Variants in CEP112 observed in about 807,000 individuals in gnomAD.
The protein encoded by CEP112 is centrosomal protein of 112 kDa.
A neutral mutation model predicts 153.0 loss-of-function variants in CEP112; 127 were observed. That is an observed-to-expected ratio of 0.83 (90% CI 0.72 to 0.96). CEP112 has a LOEUF of 0.96. Ranked by LOEUF, CEP112 falls within the 40% of genes least tolerant of loss-of-function variation. The pLI, the probability that CEP112 is intolerant of heterozygous loss-of-function variation, is 0.00. For synonymous variants in CEP112, 358 were observed against 374.4 expected (o/e 0.96, Z 0.51); for missense variants, 1,089 against 1,101.2 (o/e 0.99, Z 0.16).
Position 66,175,094 on chromosome 17 carries a change from G to A in CEP112, c.420C>T (p.Leu140=). The part of the protein sequence containing the change: ...SEHKLNESWK[L]SSGEDNTLVQ... ...CTAAAGTGTTATCTTCTCCAGAAGA[G>A]AGTTTCCATGATTCATTTAATTTGT... Residue 140 remains leucine, a synonymous_variant, in exon 4 of 27, where the codon CTC becomes CTT. Transcript: ENST00000535342. The A allele has an allele frequency of 6.2e-7, 1 of 1,613,012 alleles. No individual in the cohort carries two copies. The highest frequency in any genetic ancestry group is 8.5e-7 in the Non-Finnish European group (1 of 1,179,514).
intron 20 of CEP112, among the ~76,000 whole-genome samples, chr17:65,897,907 C>T (rs532681770): frequency 1.3e-5 from 2 of 151,800 alleles, no homozygotes; most frequent in South Asian, 4.2e-4. Flanking sequence ...GAACTGAGAA[C>T]TAGAAAAAAA....
At chr17:66,036,041 A>C (rs898481414) in intron 12 of CEP112, among the ~76,000 whole-genome samples, 1 of 152,222 alleles carries the variant, frequency 6.6e-6, no homozygotes, top group African/African-American at 2.4e-5. Flanking sequence ...GCCATTAAAA[A>C]GGGAAAGCCT....
chr17:65,712,818 T>C (rs1235409283), intron 23 of CEP112, among the ~76,000 whole-genome samples: 1 of 152,078 alleles, frequency 6.6e-6, no homozygotes, highest in African/African-American at 2.4e-5. Flanking sequence ...AGGTGGGTGC[T>C]GTGGGCGATA....
intron 21 of CEP112, among the ~76,000 whole-genome samples, chr17:65,775,106 T>C (rs914807818): frequency 3.9e-5 from 6 of 152,010 alleles, no homozygotes; most frequent in African/African-American, 1.2e-4. Context: ...CCTCCCAAGC[T>C]TGAAAATCAG....
chr17:65,942,909 C>T (rs1416694814), intron 18 of CEP112, among the ~76,000 whole-genome samples: 1 of 152,038 alleles, frequency 6.6e-6, no homozygotes, highest in Non-Finnish European at 1.5e-5. Flanking sequence ...TCATATTATA[C>T]AATTATGCAA....
intron 1 of CEP112, among the ~76,000 whole-genome samples, chr17:66,188,275 CCACACACACAAA>C (rs370406542): frequency 0.22 from 26,503 of 120,410 alleles, 2,561 homozygotes; most frequent in Middle Eastern, 0.31. Context: ...GTCTCTCACA[CCACACACACAAA>C]CACACACACA....
chr17:66,008,552 GC>G (rs1241055276), intron 16 of CEP112, among the ~76,000 whole-genome samples: 1 of 151,944 alleles, frequency 6.6e-6, no homozygotes, highest in Non-Finnish European at 1.5e-5. Flanking sequence ...TCACTATGTT[GC>G]CCAGTCTGGT....
chr17:66,036,714 A>T (rs954387408), intron 12 of CEP112, among the ~76,000 whole-genome samples: 2 of 152,230 alleles, frequency 1.3e-5, no homozygotes, highest in Non-Finnish European at 2.9e-5. Flanking sequence ...ATTTGATCCA[A>T]GATCTCCTTG....
chr17:66,021,765 T>C (rs1366370168), intron 16 of CEP112, among the ~76,000 whole-genome samples: 4 of 152,128 alleles, frequency 2.6e-5, no homozygotes, highest in African/African-American at 4.8e-5. Context: ...AATGCAGACT[T>C]GCCCAGTCCA....
rs540823705 is a variant in CEP112 at position 65,816,049 on chromosome 17, C to T, written c.2394+35755G>A. On this transcript the variant is annotated intron_variant, in intron 21 of 26. Coordinates refer to ENST00000535342, the MANE Select transcript of CEP112 (RefSeq NM_001199165.4). ...GAAGTGGTAACAGTAGATGTCTTTT[C>T]CTTGTTACCAATCTTGGGAAAAAAT... 4.1e-4 allele frequency among the ~76,000 whole-genome samples: 62 copies of T among 152,110 alleles called. 1 individual carries two copies. The highest frequency in any genetic ancestry group is 6.8e-3 in the Middle Eastern group (2 of 294).
chr17:66,188,576 A>C lies in CEP112; in HGVS notation c.-9+3421T>G, dbSNP rs1251272702. Among the ~76,000 whole-genome samples the C allele has an allele frequency of 9.8e-5, 8 of 81,910 alleles. No individual in the cohort carries two copies. In the East Asian group the frequency reaches 2.3e-3, roughly 24 times the overall value. 53.7% of individuals were successfully genotyped at this position (81,910 alleles called of 152,430 possible). A position where few individuals can be genotyped will look rare whatever the true frequency, so the allele number is the denominator to read the frequency against. On this transcript the variant is annotated intron_variant, in intron 1 of 26. Coordinates refer to ENST00000535342, the MANE Select transcript of CEP112 (RefSeq NM_001199165.4). ...CTGTTCACATCTGTGTACAGCATTT[A>C]TCATGCTGTTTTTTTTTTTTTTTAC...
At chr17:65,921,357 T>C (rs2060721566) in intron 19 of CEP112, among the ~76,000 whole-genome samples, 1 of 151,956 alleles carries the variant, frequency 6.6e-6, no homozygotes, top group South Asian at 2.1e-4. Context: ...TTTGTCATGA[T>C]AAACTTCCAC....
intron 18 of CEP112, among the ~76,000 whole-genome samples, chr17:65,939,556 A>G (rs1397146655): frequency 1.3e-5 from 2 of 152,222 alleles, no homozygotes; most frequent in Non-Finnish European, 2.9e-5. Flanking sequence ...CATTAGCCAG[A>G]GGAACAGGAT....
At chr17:65,916,247 A>AAG (rs1491502591) in intron 19 of CEP112, among the ~76,000 whole-genome samples, 8 of 107,616 alleles carry the variant, frequency 7.4e-5, no homozygotes, top group South Asian at 7.3e-4. Context: ...TGTTTTGAAA[A>AAG]AGAGTGTGTG....
intron 16 of CEP112, among the ~76,000 whole-genome samples, chr17:66,020,230 C>T (rs1373667572): frequency 6.6e-6 from 1 of 152,082 alleles, no homozygotes; most frequent in Non-Finnish European, 1.5e-5. Flanking sequence ...ATACTGATGC[C>T]TTATACAGGA....
At chr17:65,940,273 G>A (rs2061467574) in intron 18 of CEP112, among the ~76,000 whole-genome samples, 1 of 152,152 alleles carries the variant, frequency 6.6e-6, no homozygotes, top group East Asian at 1.9e-4. Context: ...GGGAACCCTT[G>A]TACACTGCTG....
chr17:66,174,977 G>T, intron 4 of CEP112, 67 bp downstream of exon 4: 2 of 1,109,818 alleles, frequency 1.8e-6, no homozygotes, highest in Non-Finnish European at 2.4e-6. Context: ...AAAACAGAAT[G>T]TATAAATCAG....
intron 4 of CEP112, among the ~76,000 whole-genome samples, chr17:66,165,388 G>C (rs1284274439): frequency 6.6e-6 from 1 of 152,180 alleles, no homozygotes; most frequent in Non-Finnish European, 1.5e-5. Context: ...ATTACCATCA[G>C]AAAGTTCTAT....
At chr17:65,671,135 G>A (rs1424779679) in intron 24 of CEP112, among the ~76,000 whole-genome samples, 1 of 152,080 alleles carries the variant, frequency 6.6e-6, no homozygotes, top group Non-Finnish European at 1.5e-5. Context: ...CAAATAGTAC[G>A]CAGCTGGTGG....
Sources: gnomAD v4.1 joint callset for allele counts (sites outside exome capture counted in the v4.1 genomes callset) on GRCh38, gnomAD v4.1.1 for gene constraint, MANE v1.5 for transcripts, NCBI Gene and HGNC (gene_info 2026-07-23, HGNC 2026-07-21) for gene names.